The following GPHN variants were observed in gnomAD, a reference collection of about 807,000 sequenced individuals.
The protein encoded by GPHN is gephyrin.
GPHN carries 17 observed loss-of-function variants against 95.5 expected under a neutral mutation model. That is an observed-to-expected ratio of 0.18 (90% CI 0.12 to 0.27). The LOEUF (loss-of-function observed/expected upper bound fraction) is 0.27. GPHN is among the 10% of genes least tolerant of loss of function. The pLI, the probability that GPHN is intolerant of heterozygous loss-of-function variation, is 1.00. For synonymous variants in GPHN, 320 were observed against 322.5 expected, an observed-to-expected ratio of 0.99 and a Z score of 0.08; for missense variants, 660 against 978.1, an observed-to-expected ratio of 0.67 and a Z score of 4.34.
At chr14:66,560,343 T>A (rs1052098501) in intron 1 of GPHN, among the ~76,000 whole-genome samples, 3 of 152,228 alleles carry the variant, frequency 2.0e-5, no homozygotes, top group African/African-American at 7.2e-5. Context: ...TTTGGCCATT[T>A]TCACGATATT....
chr14:66,771,222 T>G (rs143349627), intron 2 of GPHN, among the ~76,000 whole-genome samples: 1,831 of 152,324 alleles, frequency 0.012, 19 homozygotes, highest in Non-Finnish European at 0.018. Flanking sequence ...GTGATAAATC[T>G]TTGATCACCG....
chr14:67,572,111 C>T, the GPHN span: 5 of 1,597,988 alleles, frequency 3.1e-6, no homozygotes, highest in Non-Finnish European at 4.3e-6. Flanking sequence ...GGACCCGGGC[C>T]TTGACTCCTC....
chr14:67,057,680 T>G (rs2075658516), intron 10 of GPHN, among the ~76,000 whole-genome samples: 1 of 152,204 alleles, frequency 6.6e-6, no homozygotes, highest in African/African-American at 2.4e-5. Flanking sequence ...TCTTGCTTCC[T>G]TCCTTCCTTC....
At chr14:67,572,143 A>C in the GPHN span, 3 of 1,606,878 alleles carry the variant, frequency 1.9e-6, no homozygotes, top group Non-Finnish European at 1.7e-6. Context: ...AGGCGTCTCC[A>C]TGTCCTCACT....
chr14:66,677,444 G>T (rs987685820), intron 1 of GPHN, among the ~76,000 whole-genome samples: 1 of 151,964 alleles, frequency 6.6e-6, no homozygotes, highest in South Asian at 2.1e-4. Context: ...TAAGTTTTTG[G>T]TATGCTGTTT....
At chr14:67,283,398 T>C in the GPHN span, among the ~76,000 whole-genome samples, 3 of 152,292 alleles carry the variant, frequency 2.0e-5, no homozygotes, top group South Asian at 4.1e-4. Flanking sequence ...ATACTGGAAT[T>C]TTGTGTGATT....
chr14:67,662,429 A>T, the GPHN span: 2 of 1,506,238 alleles, frequency 1.3e-6, no homozygotes, highest in Admixed American at 1.7e-5. Flanking sequence ...TACTTCTGGA[A>T]AAGACCAACA....
intron 9 of GPHN, among the ~76,000 whole-genome samples, chr14:67,005,738 G>A (rs138979178): frequency 0.015 from 2,323 of 151,884 alleles, 22 homozygotes; most frequent in Non-Finnish European, 0.024. Flanking sequence ...CATCACTTTC[G>A]AATCTACCTT....
chr14:67,600,859 GT>G, the GPHN span, among the ~76,000 whole-genome samples: 1 of 152,170 alleles, frequency 6.6e-6, no homozygotes, highest in Non-Finnish European at 1.5e-5. Flanking sequence ...GATTACAGGC[GT>G]GAGCCACCGC....
At chr14:66,649,384 A>G (rs1356422673) in intron 1 of GPHN, among the ~76,000 whole-genome samples, 1 of 151,600 alleles carries the variant, frequency 6.6e-6, no homozygotes, top group Non-Finnish European at 1.5e-5. Context: ...CGGACCATGG[A>G]CCAGTAGCAG....
At chr14:67,343,233 CTT>C in the GPHN span, 7 of 563,624 alleles carry the variant, frequency 1.2e-5, no homozygotes, top group African/African-American at 1.3e-4. Flanking sequence ...TATGGACACA[CTT>C]CTCTCTTTGC....
chr14:66,823,341 A>G (rs1397687143), intron 3 of GPHN: 1 of 152,220 alleles, frequency 6.6e-6, no homozygotes, highest in African/African-American at 2.4e-5. Flanking sequence ...GCTATTTATA[A>G]GAGTGAGTAT....
At chr14:67,635,188 G>A in the GPHN span, among the ~76,000 whole-genome samples, 1 of 152,192 alleles carries the variant, frequency 6.6e-6, no homozygotes, top group African/African-American at 2.4e-5. Flanking sequence ...AGGCTGCAGT[G>A]AGCCATGTTT....
At chr14:66,669,930 C>T (rs1255509423) in intron 1 of GPHN, among the ~76,000 whole-genome samples, 2 of 152,160 alleles carry the variant, frequency 1.3e-5, no homozygotes, top group African/African-American at 4.8e-5. Flanking sequence ...ATCTCTGCTG[C>T]CTTGGTCTTA....
chr14:67,261,582 C>T, the GPHN span, among the ~76,000 whole-genome samples: 1 of 152,072 alleles, frequency 6.6e-6, no homozygotes, highest in Non-Finnish European at 1.5e-5. Flanking sequence ...CAAGTTATGA[C>T]ATGTGGCTCA....
chr14:67,105,286 T>G (rs1033013538), intron 13 of GPHN, among the ~76,000 whole-genome samples: 6 of 151,902 alleles, frequency 3.9e-5, no homozygotes, highest in African/African-American at 1.2e-4. Flanking sequence ...CATGTGCAAG[T>G]GAAAAAAAAA....
intron 2 of GPHN, among the ~76,000 whole-genome samples, chr14:66,693,462 A>T (rs2153408879): frequency 6.6e-6 from 1 of 152,350 alleles, no homozygotes; most frequent in Middle Eastern, 3.4e-3. Flanking sequence ...ATACATATAT[A>T]CATACGGGAT....
rs186328983 is a variant in GPHN at position 66,707,039 on chromosome 14, C to T, written c.143+25854C>T. ...TTCTCAAAAGAAGACATACATGCAG[C>T]CAACAAACATTTGAAAAAAAAAAAA... On this transcript the variant is annotated intron_variant, in intron 2 of 22. Coordinates refer to ENST00000478722, the MANE Select transcript of GPHN (RefSeq NM_020806.5). 6.3e-3 allele frequency among the ~76,000 whole-genome samples: 904 copies of T among 142,774 alleles called. 10 individuals carry two copies. Among genetic ancestry groups the T allele is most frequent in the African/African-American group, 0.025 (882 of 34,642 alleles). 93.7% of individuals were successfully genotyped at this position (142,774 alleles called of 152,430 possible).
chr14:67,225,147 A>G, the GPHN span: 49 of 1,585,132 alleles, frequency 3.1e-5, no homozygotes, highest in Admixed American at 3.2e-4. Context: ...ATCTCCTTCT[A>G]ATTTCCTCAA....
Sources: allele counts gnomAD v4.1 joint callset (sites outside exome capture counted in the v4.1 genomes callset), GRCh38; gene constraint gnomAD v4.1.1; transcripts MANE v1.5; gene names NCBI Gene and HGNC (gene_info 2026-07-23, HGNC 2026-07-21).